Variants in GPC3 observed in about 807,000 individuals in gnomAD.
GPC3 encodes the protein glypican-3.
A neutral mutation model predicts 34.4 loss-of-function variants in GPC3; 3 were observed. The observed-to-expected ratio is 0.09, with a 90% CI of 0.04 to 0.23. The LOEUF (loss-of-function observed/expected upper bound fraction) is 0.23. Among genes scored for constraint, GPC3 ranks in the 10% least tolerant of loss-of-function variants. The pLI is 1.00. For missense variants in GPC3, 351 were observed against 445.6 expected (o/e 0.79, Z 1.91); for synonymous variants, 177 against 174.0 (o/e 1.02, Z -0.13).
intron 1 of GPC3, among the ~76,000 whole-genome samples, chrX:133,983,233 A>T (rs1210265748): frequency 8.9e-6 from 1 of 112,763 alleles, no homozygotes; most frequent in Non-Finnish European, 1.9e-5. Context: ...AAATAGAACT[A>T]AAGCAGGGAA....
Position 133,778,586 on chromosome X carries a change from A to G in GPC3, c.338-24410T>C, listed in dbSNP as rs2072012695. 2.7e-5 allele frequency among the ~76,000 whole-genome samples: 3 copies of G among 112,443 alleles called. No individual in the cohort carries two copies. In the South Asian group the frequency reaches 1.1e-3, roughly 41 times the overall value. ...AGTACTGTTATGTCTGGCCAAGATG[A>G]ACATAAAGTCTATTATAGCATTATC... On this transcript the variant is annotated intron_variant, in intron 2 of 7. Transcript: ENST00000370818.
chrX:133,759,228 A>G (rs1377067707), intron 2 of GPC3, among the ~76,000 whole-genome samples: 1 of 112,111 alleles, frequency 8.9e-6, no homozygotes, highest in Non-Finnish European at 1.9e-5. Flanking sequence ...ATGAATCCCA[A>G]TCAAAATCCC....
At chrX:133,581,212 GA>G (rs1321049916) in intron 7 of GPC3, among the ~76,000 whole-genome samples, 2 of 112,173 alleles carry the variant, frequency 1.8e-5, no homozygotes, top group Non-Finnish European at 3.8e-5. Context: ...CCTCAACAGG[GA>G]ATAAGAAGTT....
chrX:133,743,106 C>T (rs987714536), intron 3 of GPC3, among the ~76,000 whole-genome samples: 3 of 112,514 alleles, frequency 2.7e-5, no homozygotes, highest in African/African-American at 9.7e-5. Flanking sequence ...CATTAACAGT[C>T]CCCCGGACAA....
intron 7 of GPC3, among the ~76,000 whole-genome samples, chrX:133,593,354 T>TAAAAAAAAAAAAA (rs1186766438): frequency 2.5e-4 from 12 of 47,688 alleles, no homozygotes; most frequent in Admixed American, 5.3e-4. Context: ...AAAAAAAAAG[T>TAAAAAAAAAAAAA]AAAAAAAAAA....
intron 2 of GPC3, among the ~76,000 whole-genome samples, chrX:133,846,141 G>C (rs1377687248): frequency 1.8e-5 from 2 of 112,215 alleles, no homozygotes; most frequent in African/African-American, 3.2e-5. Flanking sequence ...TTTGAAATTA[G>C]TATACCAGGC....
chrX:133,693,154 CAAGTGT>C (rs1225138666), intron 4 of GPC3, among the ~76,000 whole-genome samples: 1 of 82,164 alleles, frequency 1.2e-5, no homozygotes. Flanking sequence ...TATAATAAGA[CAAGTGT>C]GTGTGTGTGT....
intron 7 of GPC3, among the ~76,000 whole-genome samples, chrX:133,569,875 A>G (rs990032367): frequency 2.3e-4 from 25 of 107,952 alleles, no homozygotes; most frequent in African/African-American, 8.9e-4. Context: ...GCCTTAATAC[A>G]TCTATATAGA....
intron 2 of GPC3, among the ~76,000 whole-genome samples, chrX:133,948,349 AG>A (rs1318089904): frequency 1.3e-4 from 14 of 110,768 alleles, no homozygotes; most frequent in Admixed American, 1.3e-3. Flanking sequence ...GGAATCTGAC[AG>A]AAGAGAGTCT....
chrX:133,602,282 T>C (rs906431360), intron 6 of GPC3, among the ~76,000 whole-genome samples: 3 of 111,475 alleles, frequency 2.7e-5, no homozygotes, highest in African/African-American at 9.8e-5. Context: ...TAGGGAGATA[T>C]TAGCCAATAG....
chrX:133,948,943 C>A (rs1447416679), intron 2 of GPC3, among the ~76,000 whole-genome samples: 1 of 111,899 alleles, frequency 8.9e-6, no homozygotes, highest in Admixed American at 9.5e-5. Flanking sequence ...TAAAGTGGTC[C>A]ACATAAATGA....
At chrX:133,705,894 G>A (rs899922906) in intron 3 of GPC3, among the ~76,000 whole-genome samples, 6 of 112,440 alleles carry the variant, frequency 5.3e-5, no homozygotes, top group African/African-American at 1.9e-4. Flanking sequence ...CCAAGTAAGA[G>A]TGAATTAGTA....
intron 2 of GPC3, among the ~76,000 whole-genome samples, chrX:133,780,517 A>G (rs906357193): frequency 8.9e-6 from 1 of 111,883 alleles, no homozygotes; most frequent in Non-Finnish European, 1.9e-5. Context: ...GAAGGTAATG[A>G]CTGGTGGCCT....
At chrX:133,688,473 T>A (rs2071030413) in intron 5 of GPC3, among the ~76,000 whole-genome samples, 1 of 111,912 alleles carries the variant, frequency 8.9e-6, no homozygotes, top group African/African-American at 3.2e-5. Context: ...ATGGAAAATA[T>A]GACCTTATTC....
At chrX:133,554,234 A>C (rs1403876239) in intron 7 of GPC3, among the ~76,000 whole-genome samples, 1 of 109,394 alleles carries the variant, frequency 9.1e-6, no homozygotes, top group East Asian at 2.9e-4. Context: ...GGATGGTCTC[A>C]ATCTCTTGAC....
chrX:133,819,852 G>A (rs895794827), intron 2 of GPC3, among the ~76,000 whole-genome samples: 1 of 111,991 alleles, frequency 8.9e-6, no homozygotes, highest in African/African-American at 3.2e-5. Flanking sequence ...GAGGTTCAGT[G>A]AGTTTAAGTA....
chrX:133,646,025 T>A (rs2070540860), intron 6 of GPC3, among the ~76,000 whole-genome samples: 1 of 89,968 alleles, frequency 1.1e-5, no homozygotes, highest in African/African-American at 4.1e-5. Flanking sequence ...CAAAAGAAAA[T>A]ATATAAAGCA....
chrX:133,545,871 G>A (rs2069379883), intron 7 of GPC3, among the ~76,000 whole-genome samples: 1 of 109,624 alleles, frequency 9.1e-6, no homozygotes, highest in African/African-American at 3.4e-5. Context: ...GATGAATGGA[G>A]ACACAAAATG....
chrX:133,603,691 G>C (rs994389512), intron 6 of GPC3, among the ~76,000 whole-genome samples: 4 of 111,529 alleles, frequency 3.6e-5, no homozygotes, highest in African/African-American at 1.3e-4. Context: ...GGTACTCAGG[G>C]TTGTGTGATA....
Sources: allele counts gnomAD v4.1 joint callset (sites outside exome capture counted in the v4.1 genomes callset), GRCh38; gene constraint gnomAD v4.1.1; transcripts MANE v1.5; gene names NCBI Gene and HGNC (gene_info 2026-07-23, HGNC 2026-07-21).